SNX8: variants seen among roughly 807,000 people sequenced by gnomAD.
SNX8 encodes the protein sorting nexin 8.
A neutral mutation model predicts 51.6 loss-of-function variants in SNX8; 25 were observed. The observed-to-expected ratio is 0.48, with a 90% CI of 0.35 to 0.68. The LOEUF is 0.68. Among genes scored for constraint, SNX8 ranks in the 30% least tolerant of loss-of-function variants. SNX8 has a pLI of 0.00. For synonymous variants in SNX8, 324 were observed against 277.0 expected (o/e 1.17, Z -1.68); for missense variants, 695 against 624.0 (o/e 1.11, Z -1.21).
intron 1 of SNX8, among the ~76,000 whole-genome samples, chr7:2,338,652 G>T (rs996079873): frequency 3.3e-5 from 5 of 151,952 alleles, no homozygotes; most frequent in African/African-American, 4.8e-5. Flanking sequence ...AAAATATTGG[G>T]AAGGAAGAAA....
chr7:2,306,129 G>T (rs1262907439), intron 1 of SNX8, among the ~76,000 whole-genome samples: 2 of 152,172 alleles, frequency 1.3e-5, no homozygotes, highest in East Asian at 3.9e-4. Context: ...CCCAACCCGG[G>T]ACAAGTCATT....
chr7:2,347,480 CAAAAAAAAAAA>C (rs749495262), intron 1 of SNX8, among the ~76,000 whole-genome samples: 2 of 39,366 alleles, frequency 5.1e-5, no homozygotes, highest in Non-Finnish European at 9.8e-5. Flanking sequence ...GATGCTGTCT[CAAAAAAAAAAA>C]AAAAAAAAGA....
chr7:2,259,798 G>GTTC (rs1795292265), intron 7 of SNX8, among the ~76,000 whole-genome samples: 1 of 152,154 alleles, frequency 6.6e-6, no homozygotes, highest in Admixed American at 6.5e-5. Flanking sequence ...CCCAGCAGAA[G>GTTC]AGGGGGAGTT....
At chr7:2,352,814 C>T (rs1295121315) in intron 1 of SNX8, among the ~76,000 whole-genome samples, 14 of 151,426 alleles carry the variant, frequency 9.2e-5, no homozygotes, top group Non-Finnish European at 1.5e-4. Flanking sequence ...CCAGCCTAGG[C>T]GACAGAGCAA....
In SNX8 at chr7:2,255,086, G is replaced by T; in HGVS notation, c.1368C>A (p.Ser456=). The T allele has an allele frequency of 6.3e-7, 1 of 1,578,692 alleles. No individual in the cohort carries two copies. Among genetic ancestry groups the T allele is most frequent in the East Asian group, 2.3e-5 (1 of 42,858 alleles). ...GPHSTLTPPC[S]PPEDGLCPH ...GAGGACACAGGCCGTCCTCCGGCGG[G>T]GAGCACGGTGGGGTCAGGGTGCTGT... The change falls in exon 11 of 11, where the codon TCC becomes TCA. Residue 456 remains serine (S), a synonymous_variant. Transcript: ENST00000222990.
At chr7:2,271,062 G>T (rs1482297152) in intron 4 of SNX8, among the ~76,000 whole-genome samples, 1 of 151,590 alleles carries the variant, frequency 6.6e-6, no homozygotes, top group Non-Finnish European at 1.5e-5. Context: ...TTGTTTTTTT[G>T]AGACAGGGTC....
upstream of SNX8, among the ~76,000 whole-genome samples, chr7:2,315,156 GCATT>G (rs1169019071): frequency 1.3e-4 from 17 of 132,790 alleles, no homozygotes; most frequent in African/African-American, 5.0e-4. Context: ...ACTGCATCCT[GCATT>G]CATTCATCCA....
At chr7:2,354,370 G>A (rs1292516161), upstream of SNX8, 1 of 152,284 alleles carries the variant, frequency 6.6e-6, no homozygotes, top group African/African-American at 2.4e-5. Context: ...GGGGACTTTA[G>A]TAACGTAAAC....
chr7:2,263,427 T>G lies in SNX8; in HGVS notation c.783-65A>C, dbSNP rs528175011. On this transcript the variant is annotated intron_variant, in intron 6 of 10. Transcript: ENST00000222990. ...CTGGAGCTCACCTGGCAGTCGAGTCTGGCATCCCCCCCGACAGATGTCCTC... is the reference window on the plus strand; with the variant it reads ...CTGGAGCTCACCTGGCAGTCGAGTCGGGCATCCCCCCCGACAGATGTCCTC... The G allele has an allele frequency of 8.5e-4, 1,269 of 1,491,064 alleles. 10 individuals are homozygous for G. Among genetic ancestry groups the G allele is most frequent in the Non-Finnish European group, 8.3e-5 (91 of 1,101,886 alleles). The allele number at this position is 1,491,064 out of a possible 1,614,324, so 92.4% of individuals were successfully genotyped here. A position where few individuals can be genotyped will look rare whatever the true frequency, so the allele number is the denominator to read the frequency against.
rs1562417254 is a variant in SNX8, at chr7:2,254,888, G to A, written c.*168C>T. 1.6e-6 allele frequency: 1 copy of A among 630,956 alleles called. No homozygotes were observed. Among genetic ancestry groups the A allele is most frequent in the Non-Finnish European group, 2.9e-6 (1 of 346,568 alleles). The allele number at this position is 630,956 out of a possible 1,614,324, so 39.1% of individuals were successfully genotyped here. A position where few individuals can be genotyped will look rare whatever the true frequency, so the allele number is the denominator to read the frequency against. On this transcript the variant is annotated 3_prime_UTR_variant, in exon 11 of 11. Transcript: ENST00000222990. The stretch of plus-strand genomic sequence containing the variant: ...GACAGTGTGGCCCAGCTGCCCCCAT[G>A]GTCCACGGATGCGCCTCCCGACCCG...
chr7:2,351,549 T>C (rs1035346017), intron 1 of SNX8, among the ~76,000 whole-genome samples: 1 of 151,186 alleles, frequency 6.6e-6, no homozygotes, highest in Non-Finnish European at 1.5e-5. Flanking sequence ...AAAATAATAA[T>C]AGGCCAGGCG....
chr7:2,338,897 C>G (rs937869160), intron 1 of SNX8, among the ~76,000 whole-genome samples: 1 of 151,972 alleles, frequency 6.6e-6, no homozygotes, highest in Non-Finnish European at 1.5e-5. Flanking sequence ...GGCAACATAG[C>G]AAGACCTTGC....
upstream of SNX8, among the ~76,000 whole-genome samples, chr7:2,318,714 A>T (rs986440717): frequency 2.6e-5 from 4 of 151,652 alleles, no homozygotes; most frequent in Non-Finnish European, 5.9e-5. Flanking sequence ...AAAAAAATTT[A>T]AAATTAATTG....
chr7:2,319,105 G>C (rs1300183903), upstream of SNX8, among the ~76,000 whole-genome samples: 1 of 151,980 alleles, frequency 6.6e-6, no homozygotes, highest in East Asian at 1.9e-4. Context: ...TTGGGAGGCC[G>C]AGACCAGCAG....
intron 1 of SNX8, among the ~76,000 whole-genome samples, chr7:2,298,213 G>T (rs1359402259): frequency 6.6e-6 from 1 of 152,026 alleles, no homozygotes; most frequent in Admixed American, 6.6e-5. Flanking sequence ...GAACTCCCAG[G>T]CTCTAGTGAT....
chr7:2,278,485 A>C (rs1795835923), intron 1 of SNX8, among the ~76,000 whole-genome samples, 180 bp from the exon 2 acceptor site: 1 of 152,230 alleles, frequency 6.6e-6, no homozygotes, highest in African/African-American at 2.4e-5. Flanking sequence ...CTGTACAAAA[A>C]ATAAAATAAA....
chr7:2,266,489 G>A (rs1795467237), intron 5 of SNX8, among the ~76,000 whole-genome samples: 1 of 152,104 alleles, frequency 6.6e-6, no homozygotes, highest in Non-Finnish European at 1.5e-5. Flanking sequence ...TGGAATTACA[G>A]GTGCACGCCA....
upstream of SNX8, among the ~76,000 whole-genome samples, chr7:2,317,365 G>A (rs888170297): frequency 4.6e-5 from 6 of 131,236 alleles, no homozygotes; most frequent in Admixed American, 4.6e-4. Flanking sequence ...TGCAACCTCC[G>A]CCTCCCAGGT....
intron 1 of SNX8, among the ~76,000 whole-genome samples, chr7:2,312,522 C>A (rs1012188818): frequency 6.6e-6 from 1 of 152,144 alleles, no homozygotes; most frequent in Non-Finnish European, 1.5e-5. Context: ...TCCCCTTACA[C>A]TGATACAAGG....
Sources: gnomAD v4.1 joint callset for allele counts (sites outside exome capture counted in the v4.1 genomes callset) on GRCh38, gnomAD v4.1.1 for gene constraint, MANE v1.5 for transcripts, NCBI Gene and HGNC (gene_info 2026-07-23, HGNC 2026-07-21) for gene names.